IL17RD: variants seen among roughly 807,000 people sequenced by gnomAD.
The protein encoded by IL17RD is interleukin 17 receptor D, also known as interleukin-17 receptor D.
A neutral mutation model predicts 80.5 loss-of-function variants in IL17RD; 52 were observed. The observed-to-expected ratio is 0.65, with a 90% CI of 0.52 to 0.81. The LOEUF is 0.81. IL17RD is among the 40% of genes least tolerant of loss of function. IL17RD has a pLI of 0.00. For synonymous variants in IL17RD, 416 were observed against 391.8 expected, an observed-to-expected ratio of 1.06 and a Z score of -0.73; for missense variants, 1,024 against 955.1, an observed-to-expected ratio of 1.07 and a Z score of -0.95.
chr3:57,102,608 A>T lies in IL17RD; in HGVS notation c.869-19T>A, dbSNP rs537009460. 1.5e-6 allele frequency: 2 copies of T among 1,335,006 alleles called. No homozygotes were observed. Among genetic ancestry groups the T allele is most frequent in the Admixed American group, 3.9e-5 (2 of 50,970 alleles). 82.7% of individuals were successfully genotyped at this position (1,335,006 alleles called of 1,614,324 possible). Reference sequence around the variant, plus strand: ...GAGTGCACTGGGAAATTTCAAAGGGAAAGTTTTTAAACTTAAGCAGTGTAA... The same window carrying T: ...GAGTGCACTGGGAAATTTCAAAGGGTAAGTTTTTAAACTTAAGCAGTGTAA... On this transcript the variant is annotated intron_variant, in intron 9 of 12. Coordinates refer to ENST00000296318, the MANE Select transcript of IL17RD (RefSeq NM_017563.5).
Position 57,093,671 on chromosome 3 carries a change from A to G in IL17RD, c.*2722T>C, listed in dbSNP as rs1183855997. On this transcript the variant is annotated 3_prime_UTR_variant, in exon 13 of 13. Coordinates refer to ENST00000296318, the MANE Select transcript of IL17RD (RefSeq NM_017563.5). ...ATCAATTGCCTCAAAGGCCCAAGACAGCCCTCTGGAGGAGCTTTGGCACCT... is the reference window on the plus strand; with the variant it reads ...ATCAATTGCCTCAAAGGCCCAAGACGGCCCTCTGGAGGAGCTTTGGCACCT... 6.6e-6 allele frequency: 1 copy of G among 152,218 alleles called. No homozygotes were observed. Among genetic ancestry groups the G allele is most frequent in the East Asian group, 1.9e-4 (1 of 5,192 alleles). The allele number at this position is 152,218 out of a possible 1,614,324, so 9.4% of individuals were successfully genotyped here.
chr3:57,097,678 A>C lies in IL17RD; in HGVS notation c.2025T>G (p.Ser675=). ...TCGAGAGTCCTTCCATCAGTGGCAG[A>C]GACAGCTCGGATGAGGGCACAGACG... ...YDSSVPSSEL[S]LPLMEGLSTD... Residue 675 remains serine, a synonymous_variant, in exon 12 of 13, where the codon TCT becomes TCG. Transcript: ENST00000296318. The C allele has an allele frequency of 6.2e-7, 1 of 1,605,976 alleles. No individual in the cohort carries two copies. The highest frequency in any genetic ancestry group is 8.5e-7 in the Non-Finnish European group (1 of 1,176,570).
chr3:57,120,286 C>G lies in IL17RD; in HGVS notation c.154G>C (p.Gly52Arg), dbSNP rs1181834158. The change falls in exon 2 of 13, where the codon GGG becomes CGG. Residue 52 changes from glycine (G) to arginine (R), a missense_variant. Transcript: ENST00000296318. ...TATTTGAAGGTGATGTTGTACAGCCCACTGTTTCTGCTGGCTGGCCCCACT... is the reference window on the plus strand; with the variant it reads ...TATTTGAAGGTGATGTTGTACAGCCGACTGTTTCTGCTGGCTGGCCCCACT... Reference protein sequence around the residue: ...RGVGPASRNSGLYNITFKYDN... With the variant: ...RGVGPASRNSRLYNITFKYDN... The G allele has an allele frequency of 1.2e-6, 2 of 1,613,620 alleles. No individual in the cohort carries two copies. The highest frequency in any genetic ancestry group is 2.7e-5 in the African/African-American group (2 of 74,916).
chr3:57,157,245 C>G (rs755186822), intron 1 of IL17RD, among the ~76,000 whole-genome samples: 2 of 152,194 alleles, frequency 1.3e-5, no homozygotes, highest in African/African-American at 2.4e-5. Flanking sequence ...AACTGCTTTT[C>G]ACGGGGGCAG....
At chr3:57,157,783 A>G (rs925462697) in intron 1 of IL17RD, among the ~76,000 whole-genome samples, 1 of 152,228 alleles carries the variant, frequency 6.6e-6, no homozygotes, top group Non-Finnish European at 1.5e-5. Context: ...CATATGGCCT[A>G]TCTCAGGAAA....
At chr3:57,122,014 G>T (rs76103595) in intron 1 of IL17RD, among the ~76,000 whole-genome samples, 2,133 of 152,250 alleles carry the variant, frequency 0.014, 59 homozygotes, top group African/African-American at 0.049. Context: ...AGATTAACTG[G>T]GTAGGTAGAT....
At position 57,098,156 on chromosome 3, in the gene IL17RD, T is replaced by C; in HGVS notation, c.1547A>G (p.His516Arg). ...QLCSHLHSRD[H>R]GLQEPGQHTR... Reference sequence around the variant, plus strand: ...GTGCTGCCCCGGCTCCTGGAGGCCGTGGTCTCGGGAGTGCAAGTGGGAACA... The same window carrying C: ...GTGCTGCCCCGGCTCCTGGAGGCCGCGGTCTCGGGAGTGCAAGTGGGAACA... Residue 516 changes from histidine (H) to arginine (R), a missense_variant, in exon 12 of 13, where the codon CAC becomes CGC. Physicochemically the swap from His to Arg is conservative, Grantham distance 29. Coordinates refer to ENST00000296318, the MANE Select transcript of IL17RD (RefSeq NM_017563.5). 1 of 1,613,960 alleles carries C rather than the reference T, an allele frequency of 6.2e-7. No individual in the cohort carries two copies. Among genetic ancestry groups the C allele is most frequent in the South Asian group, 1.1e-5 (1 of 91,082 alleles).
At chr3:57,166,271 GC>G (rs1377310420), upstream of IL17RD, among the ~76,000 whole-genome samples, 1 of 152,042 alleles carries the variant, frequency 6.6e-6, no homozygotes, top group Non-Finnish European at 1.5e-5. Context: ...CTTCCTAAGG[GC>G]TTTTTCTACT....
At chr3:57,133,951 T>C (rs138900268) in intron 1 of IL17RD, among the ~76,000 whole-genome samples, 2 of 152,304 alleles carry the variant, frequency 1.3e-5, no homozygotes, top group East Asian at 1.9e-4. Context: ...ATCAAAGTAA[T>C]ATGGTGAAAT....
chr3:57,113,006 G>A (rs2107487854), intron 3 of IL17RD, among the ~76,000 whole-genome samples: 1 of 152,278 alleles, frequency 6.6e-6, no homozygotes. Context: ...TACAGATTGG[G>A]AAGCTGGGGT....
chr3:57,101,258 T>C lies in IL17RD; in HGVS notation c.1085A>G (p.Tyr362Cys), dbSNP rs375858121. The C allele has an allele frequency of 1.2e-5, 20 of 1,613,694 alleles. No homozygotes were observed. The highest frequency in any genetic ancestry group is 1.7e-5 in the Non-Finnish European group (20 of 1,179,692). Residue 362 changes from tyrosine (Y) to cysteine (C), a missense_variant, in exon 11 of 13, where the codon TAT becomes TGT. Transcript: ENST00000296318. Reference sequence around the variant, plus strand: ...GTGATTCTGGCCATCTTTACTGGAATAGCAGAGAAAGACCTTCGGCCGCGG... The same window carrying C: ...GTGATTCTGGCCATCTTTACTGGAACAGCAGAGAAAGACCTTCGGCCGCGG... ...LRPRPKVFLC[Y>C]SSKDGQNHMN...
intron 1 of IL17RD, among the ~76,000 whole-genome samples, chr3:57,142,906 G>A (rs1707857617): frequency 6.6e-6 from 1 of 152,122 alleles, no homozygotes; most frequent in African/African-American, 2.4e-5. Context: ...CATTCCCAGA[G>A]TCCTTTTTAA....
chr3:57,134,285 C>A, intron 1 of IL17RD: 2 of 681,270 alleles, frequency 2.9e-6, no homozygotes, highest in South Asian at 2.8e-5. Context: ...ATGGGCTGAT[C>A]ATCTACAAAC....
intron 3 of IL17RD, 43 bp downstream of exon 3, chr3:57,114,649 T>C (rs935106362): frequency 6.4e-7 from 1 of 1,552,230 alleles, no homozygotes; most frequent in Non-Finnish European, 8.7e-7. Flanking sequence ...CTGGGCCCTA[T>C]CCACCCAGGT....
chr3:57,151,618 G>T (rs1013778140), intron 1 of IL17RD, among the ~76,000 whole-genome samples: 3 of 152,096 alleles, frequency 2.0e-5, no homozygotes, highest in African/African-American at 7.2e-5. Context: ...CTAAATCAGG[G>T]TTTCTCAGTC....
At position 57,103,149 on chromosome 3, in the gene IL17RD, C is replaced by G. The variant is rs1269823117; in HGVS notation, c.814-4G>C. ...TTGTGTTAGTGTCATCCACCAGCTG[C>G]AAAACAGAGGATGCTGCATTATTTT... On this transcript the variant is annotated splice_region_variant and splice_polypyrimidine_tract_variant and intron_variant, in intron 8 of 12. Coordinates refer to ENST00000296318, the MANE Select transcript of IL17RD (RefSeq NM_017563.5). The G allele has an allele frequency of 6.2e-7, 1 of 1,600,520 alleles. No individual in the cohort carries two copies. Among genetic ancestry groups the G allele is most frequent in the Admixed American group, 1.7e-5 (1 of 58,176 alleles).
At position 57,097,667 on chromosome 3, in the gene IL17RD, A is replaced by G; in HGVS notation, c.2036T>C (p.Met679Thr). Residue 679 changes from methionine to threonine, a missense_variant, in exon 12 of 13, where the codon ATG becomes ACG. Transcript: ENST00000296318. ...TGTCTGGTCCGTCGAGAGTCCTTCC[A>G]TCAGTGGCAGAGACAGCTCGGATGA... is the stretch of plus-strand genomic sequence containing the variant. ...VPSSELSLPL[M>T]EGLSTDQTET... 1 of 1,604,624 alleles carries G rather than the reference A, an allele frequency of 6.2e-7. No individual in the cohort carries two copies.
chr3:57,166,892 AAC>A (rs1406903348), upstream of IL17RD, among the ~76,000 whole-genome samples: 1 of 152,198 alleles, frequency 6.6e-6, no homozygotes, highest in Non-Finnish European at 1.5e-5. Context: ...AGCCACTGCT[AAC>A]ACAGGATTCC....
At chr3:57,109,488 G>C (rs944747447) in intron 5 of IL17RD, 49 bp downstream of exon 5, 1 of 1,584,390 alleles carries the variant, frequency 6.3e-7, no homozygotes, top group Admixed American at 1.9e-5. Context: ...ATCATTAAAA[G>C]CGGAGAAAAG....
Sources: allele counts gnomAD v4.1 joint callset (sites outside exome capture counted in the v4.1 genomes callset), GRCh38; gene constraint gnomAD v4.1.1; transcripts MANE v1.5; gene names NCBI Gene and HGNC (gene_info 2026-07-23, HGNC 2026-07-21).